MARCO: variants seen among roughly 807,000 people sequenced by gnomAD.
MARCO encodes macrophage receptor with collagenous structure.
In MARCO, 72 loss-of-function variants were observed where a neutral mutation model predicts 70.0. The ratio of observed to expected loss-of-function variants is 1.03; its 90% CI spans 0.85 to 1.25. The LOEUF (loss-of-function observed/expected upper bound fraction) is 1.25, where lower values mean the gene tolerates loss of function less well. MARCO is among the 50% of genes most tolerant of loss of function. The pLI is 0.00. For missense variants in MARCO, 696 were observed against 659.3 expected, an observed-to-expected ratio of 1.06 and a Z score of -0.61; for synonymous variants, 273 against 243.1, an observed-to-expected ratio of 1.12 and a Z score of -1.14.
At chr2:118,981,811 A>C (rs1172112137) in intron 10 of MARCO, among the ~76,000 whole-genome samples, 155 bp downstream of exon 10, 1 of 152,176 alleles carries the variant, frequency 6.6e-6, no homozygotes, top group Non-Finnish European at 1.5e-5. Flanking sequence ...AGAGGAACAG[A>C]GCAGCCAGTG....
chr2:118,990,560 C>A, intron 12 of MARCO, 29 bp from the exon 13 acceptor site: 1 of 378,832 alleles, frequency 2.6e-6, no homozygotes, highest in Non-Finnish European at 3.5e-6. Flanking sequence ...ATTATCTCCT[C>A]CCCCCCCCCT....
chr2:118,982,118 C>A, intron 10 of MARCO, 38 bp from the exon 11 acceptor site: 1 of 1,520,946 alleles, frequency 6.6e-7, no homozygotes, highest in Non-Finnish European at 9.0e-7. Context: ...GGCCCTCTGC[C>A]AACCACCACA....
Position 118,977,936 on chromosome 2 carries a change from G to A in MARCO, c.766+1G>A, listed in dbSNP as rs1363261488. On this transcript the variant is annotated splice_donor_variant, in intron 8 of 16. Coordinates refer to ENST00000327097, the MANE Select transcript of MARCO (RefSeq NM_006770.4). LOFTEE classifies it high-confidence loss of function. ...GAGAAAGGAGACCTGGGTCTCCCAGGTGAGGGCCGTATTGGGGGTGTCGGT... is the reference window on the plus strand; with the variant it reads ...GAGAAAGGAGACCTGGGTCTCCCAGATGAGGGCCGTATTGGGGGTGTCGGT... The A allele has an allele frequency of 5.7e-6, 9 of 1,591,514 alleles. No homozygotes were observed. Among genetic ancestry groups the A allele is most frequent in the Non-Finnish European group, 7.7e-6 (9 of 1,165,998 alleles).
chr2:118,969,087 G>A (rs1463530499), intron 1 of MARCO, 73 bp from the exon 2 acceptor site: 2 of 1,067,998 alleles, frequency 1.9e-6, no homozygotes, highest in African/African-American at 3.1e-5. Context: ...CATGGAGTAG[G>A]GCCTGGAGCA....
chr2:118,960,922 T>C (rs778165301), intron 1 of MARCO, among the ~76,000 whole-genome samples: 4 of 151,974 alleles, frequency 2.6e-5, no homozygotes, highest in Non-Finnish European at 5.9e-5. Flanking sequence ...CCAGTGTGTG[T>C]TGTTCCCCTC....
chr2:118,976,170 T>A (rs1247430505), intron 6 of MARCO, among the ~76,000 whole-genome samples: 2 of 152,144 alleles, frequency 1.3e-5, no homozygotes, highest in Non-Finnish European at 2.9e-5. Context: ...GGTAGGCACA[T>A]CACACAGCCT....
Position 118,970,193 on chromosome 2 carries a change from C to T in MARCO, c.279C>T (p.Ser93=), listed in dbSNP as rs767108104. ...NDTLAAEDSP[S]FSLLQSAHPG... is the part of the protein sequence containing the mutation. ...CTCTGGCGGCTGAGGACAGCCCGTC[C>T]TTCTCCTTGCTGCAGTCAGCACACC... is the stretch of plus-strand genomic sequence containing the variant. Residue 93 remains serine (S), a synonymous_variant, in exon 3 of 17, where the codon TCC becomes TCT. Transcript: ENST00000327097. 1 of 1,614,200 alleles carries T rather than the reference C, an allele frequency of 6.2e-7. No homozygotes were observed. Among genetic ancestry groups the T allele is most frequent in the Non-Finnish European group, 8.5e-7 (1 of 1,180,042 alleles).
chr2:118,972,656 C>T (rs1197800810), intron 4 of MARCO, among the ~76,000 whole-genome samples: 6 of 152,136 alleles, frequency 3.9e-5, no homozygotes, highest in Non-Finnish European at 7.4e-5. Context: ...TTCTTGTCTT[C>T]GTTATTATTA....
In MARCO at chr2:118,965,592, A is replaced by G. The variant is rs988227268; in HGVS notation, c.98-3568A>G. Among the ~76,000 whole-genome samples, 5 of 152,098 alleles carry G rather than the reference A, an allele frequency of 3.3e-5. No homozygotes were observed. The South Asian group carries it at 8.3e-4, about 25-fold the overall frequency. On this transcript the variant is annotated intron_variant, in intron 1 of 16. Transcript: ENST00000327097. ...TCTCATCTGAGTTGTGATTTTCTCT[A>G]TTCTTTGTATGATGGGTGATTTTCC...
At chr2:118,956,726 G>C (rs548064814) in intron 1 of MARCO, among the ~76,000 whole-genome samples, 4 of 152,138 alleles carry the variant, frequency 2.6e-5, no homozygotes, top group South Asian at 4.1e-4. Flanking sequence ...TTCTCCAAGA[G>C]AGACCATATG....
intron 12 of MARCO, among the ~76,000 whole-genome samples, chr2:118,984,376 C>T (rs1332350966): frequency 3.9e-5 from 6 of 152,178 alleles, no homozygotes; most frequent in Admixed American, 1.3e-4. Context: ...TCATCCTCAT[C>T]GAGACCTTTT....
intron 1 of MARCO, chr2:118,953,046 G>A (rs1427377765): frequency 6.6e-6 from 1 of 152,252 alleles, no homozygotes; most frequent in Non-Finnish European, 1.5e-5. Context: ...CTTGCTGCGT[G>A]TCCTATGTCC....
chr2:118,966,446 G>C, intron 1 of MARCO, among the ~76,000 whole-genome samples: 1 of 152,072 alleles, frequency 6.6e-6, no homozygotes, highest in East Asian at 1.9e-4. Flanking sequence ...ACAGTGTAGA[G>C]GCTAAAGACT....
chr2:118,962,971 A>G (rs1679977591), intron 1 of MARCO, among the ~76,000 whole-genome samples: 1 of 151,896 alleles, frequency 6.6e-6, no homozygotes. Context: ...GATATTGGCT[A>G]TCCGTGTCTT....
intron 1 of MARCO, among the ~76,000 whole-genome samples, chr2:118,960,605 T>G (rs968039695): frequency 4.6e-5 from 7 of 152,356 alleles, no homozygotes; most frequent in Middle Eastern, 3.4e-3. Context: ...TGGAATATAT[T>G]GATTAAGTTT....
At chr2:118,978,671 T>G (rs1173629604) in intron 8 of MARCO, among the ~76,000 whole-genome samples, 1 of 152,232 alleles carries the variant, frequency 6.6e-6, no homozygotes, top group Non-Finnish European at 1.5e-5. Context: ...AGCTTTAATG[T>G]TCTCATTTTA....
chr2:118,970,033 T>C, intron 2 of MARCO, 81 bp from the exon 3 acceptor site: 1 of 1,213,642 alleles, frequency 8.2e-7, no homozygotes, highest in Non-Finnish European at 1.2e-6. Context: ...CCTGTAGAAG[T>C]TATGCACACA....
chr2:118,946,801 T>C (rs147024042), intron 1 of MARCO, among the ~76,000 whole-genome samples: 86 of 152,338 alleles, frequency 5.6e-4, no homozygotes, highest in Non-Finnish European at 1.1e-3. Context: ...ACTGATCCAG[T>C]TTTCTGCAAC....
chr2:118,960,091 C>G (rs964837787), intron 1 of MARCO, among the ~76,000 whole-genome samples: 1 of 150,464 alleles, frequency 6.6e-6, no homozygotes, highest in Non-Finnish European at 1.5e-5. Context: ...CAACCTATAC[C>G]CCAATAACTT....
Sources: allele counts gnomAD v4.1 joint callset (sites outside exome capture counted in the v4.1 genomes callset), GRCh38; gene constraint gnomAD v4.1.1; transcripts MANE v1.5; gene names NCBI Gene and HGNC (gene_info 2026-07-23, HGNC 2026-07-21).